EIF4E3: variants seen among roughly 807,000 people sequenced by gnomAD.
The protein encoded by EIF4E3 is eukaryotic translation initiation factor 4E type 3.
Under a neutral mutation model 31.7 loss-of-function variants are expected in EIF4E3, and 26 were observed. The observed-to-expected ratio is 0.82, with a 90% CI of 0.60 to 1.14. The LOEUF is 1.14. EIF4E3 is among the 50% of genes most tolerant of loss of function. The pLI, the probability that EIF4E3 is intolerant of heterozygous loss-of-function variation, is 0.00. For synonymous variants in EIF4E3, 128 were observed against 107.7 expected, an observed-to-expected ratio of 1.19 and a Z score of -1.17; for missense variants, 304 against 270.9, an observed-to-expected ratio of 1.12 and a Z score of -0.86.
upstream of EIF4E3, among the ~76,000 whole-genome samples, chr3:71,728,038 T>G (rs1206292861): frequency 5.3e-5 from 8 of 152,356 alleles, no homozygotes; most frequent in South Asian, 1.7e-3. Flanking sequence ...TGGTGCTCAA[T>G]CACAGCACCA....
At chr3:71,713,144 T>C (rs923253094) in intron 1 of EIF4E3, among the ~76,000 whole-genome samples, 1 of 152,230 alleles carries the variant, frequency 6.6e-6, no homozygotes, top group Non-Finnish European at 1.5e-5. Flanking sequence ...GCTGAGCCTC[T>C]GACCTCCGTT....
rs1166376113 is a variant in EIF4E3, at chr3:71,682,664, C to T, written c.*2018G>A. 1 of 152,406 alleles carries T rather than the reference C, an allele frequency of 6.6e-6. No homozygotes were observed. The highest frequency in any genetic ancestry group is 1.5e-5 in the Non-Finnish European group (1 of 67,994). 9.4% of individuals were successfully genotyped at this position (152,406 alleles called of 1,614,324 possible). On this transcript the variant is annotated 3_prime_UTR_variant, in exon 7 of 7. Transcript: ENST00000425534. The stretch of plus-strand genomic sequence containing the variant: ...AAACAGTTGCAGAAGTTCACTGGGG[C>T]AAAAATCTACTTTGTGTGCTAGTCA...
intron 1 of EIF4E3, among the ~76,000 whole-genome samples, chr3:71,723,945 T>A (rs2049588845): frequency 6.6e-6 from 1 of 151,698 alleles, no homozygotes; most frequent in Non-Finnish European, 1.5e-5. Flanking sequence ...ACGGGTGCTA[T>A]AAGAACCCAA....
At chr3:71,701,996 C>T (rs935607480) in intron 2 of EIF4E3, among the ~76,000 whole-genome samples, 2 of 152,156 alleles carry the variant, frequency 1.3e-5, no homozygotes, top group Non-Finnish European at 2.9e-5. Flanking sequence ...ATTTCAGTTT[C>T]TGTGGTGTGA....
At chr3:71,699,754 T>C (rs760174370) in intron 2 of EIF4E3, 46 bp from the exon 3 acceptor site, 8 of 1,489,204 alleles carry the variant, frequency 5.4e-6, no homozygotes, top group Non-Finnish European at 7.4e-6. Flanking sequence ...CCAGTATTGA[T>C]TTATTATGCT....
chr3:71,672,009 C>T (rs2048849484), downstream of EIF4E3, among the ~76,000 whole-genome samples: 1 of 152,134 alleles, frequency 6.6e-6, no homozygotes, highest in Non-Finnish European at 1.5e-5. Flanking sequence ...TCCTGCGCTC[C>T]CCGATTTAGC....
the EIF4E3 span, among the ~76,000 whole-genome samples, chr3:71,667,618 TAG>T: frequency 6.6e-6 from 1 of 152,024 alleles, no homozygotes; most frequent in South Asian, 2.1e-4. Flanking sequence ...AATAGACAAA[TAG>T]AGAGCCAAAT....
At chr3:71,687,555 T>C (rs2049009516) in intron 6 of EIF4E3, among the ~76,000 whole-genome samples, 1 of 152,242 alleles carries the variant, frequency 6.6e-6, no homozygotes, top group Non-Finnish European at 1.5e-5. Flanking sequence ...AGATTTGGGC[T>C]CCAGCTTCCT....
chr3:71,749,636 T>C (rs1472122981), intron 1 of EIF4E3, among the ~76,000 whole-genome samples: 1 of 152,154 alleles, frequency 6.6e-6, no homozygotes, highest in Non-Finnish European at 1.5e-5. Context: ...ACAGTCAGGA[T>C]TTCTAGTACC....
chr3:71,675,517 G>A lies in EIF4E3; in HGVS notation c.*9165C>T, dbSNP rs2048868527. ...GGTTTTAAGACAAATCTGCTTACAT[G>A]GAGTTGTCGCAAAGAAGCAGGTTAG... is the stretch of plus-strand genomic sequence containing the variant. On this transcript the variant is annotated 3_prime_UTR_variant, in exon 7 of 7. Coordinates refer to ENST00000425534, the MANE Select transcript of EIF4E3 (RefSeq NM_001134651.2). 1 of 152,160 alleles carries A rather than the reference G, an allele frequency of 6.6e-6. No individual in the cohort carries two copies. The highest frequency in any genetic ancestry group is 2.4e-5 in the African/African-American group (1 of 41,424). The allele number at this position is 152,160 out of a possible 1,614,324, so 9.4% of individuals were successfully genotyped here. A position where few individuals can be genotyped will look rare whatever the true frequency, so the allele number is the denominator to read the frequency against.
intron 5 of EIF4E3, among the ~76,000 whole-genome samples, chr3:71,692,329 T>C (rs2049074268): frequency 6.6e-6 from 1 of 152,222 alleles, no homozygotes; most frequent in Non-Finnish European, 1.5e-5. Flanking sequence ...TAATGGTTAA[T>C]AGTTAATGGT....
chr3:71,735,248 G>T (rs535572963), intron 1 of EIF4E3, among the ~76,000 whole-genome samples: 1 of 152,008 alleles, frequency 6.6e-6, no homozygotes. Flanking sequence ...TTTTACATAG[G>T]AGTACACAGG....
In EIF4E3 at chr3:71,677,755, T is replaced by C. The variant is rs1016180809; in HGVS notation, c.*6927A>G. 4 of 152,178 alleles carry C rather than the reference T, an allele frequency of 2.6e-5. No individual in the cohort carries two copies. The highest frequency in any genetic ancestry group is 2.9e-5 in the Non-Finnish European group (2 of 68,030). The allele number at this position is 152,178 out of a possible 1,614,324, so 9.4% of individuals were successfully genotyped here. A position where few individuals can be genotyped will look rare whatever the true frequency, so the allele number is the denominator to read the frequency against. ...GATGAATGGAAGAAGAGTTTGTTGG[T>C]ACGTTTTGTTTGTTTTTAAAGGAAT... On this transcript the variant is annotated 3_prime_UTR_variant, in exon 7 of 7. Coordinates refer to ENST00000425534, the MANE Select transcript of EIF4E3 (RefSeq NM_001134651.2).
chr3:71,681,347 G>C lies in EIF4E3; in HGVS notation c.*3335C>G, dbSNP rs1026903207. ...GCGCCACCATGCGATCGTTCCAAAG[G>C]CTGTCAGTTTTGTCTAAAGACACAA... is the stretch of plus-strand genomic sequence containing the variant. On this transcript the variant is annotated 3_prime_UTR_variant, in exon 7 of 7. Coordinates refer to ENST00000425534, the MANE Select transcript of EIF4E3 (RefSeq NM_001134651.2). The C allele has an allele frequency of 5.3e-5, 8 of 152,314 alleles. No individual in the cohort carries two copies. Among genetic ancestry groups the C allele is most frequent in the African/African-American group, 1.9e-4 (8 of 41,572 alleles). 9.4% of individuals were successfully genotyped at this position (152,314 alleles called of 1,614,324 possible).
intron 4 of EIF4E3, among the ~76,000 whole-genome samples, chr3:71,694,825 T>C (rs2049112540): frequency 6.6e-6 from 1 of 152,132 alleles, no homozygotes; most frequent in Non-Finnish European, 1.5e-5. Flanking sequence ...AGGGCTGTTG[T>C]GGGTATGAAA....
chr3:71,725,445 C>G, upstream of EIF4E3: 1 of 854,960 alleles, frequency 1.2e-6, no homozygotes, highest in Middle Eastern at 5.9e-4. This position sits in a 1 kb window ranked among gnomAD's most constrained non-coding sequence, Gnocchi z 6.1. Flanking sequence ...CGGCCCCCGC[C>G]CCGCCCCGCC....
chr3:71,754,456 G>A (rs1337534625), upstream of EIF4E3: 4 of 1,335,074 alleles, frequency 3.0e-6, no homozygotes, highest in Admixed American at 3.0e-5. The surrounding 1 kb of genome is among the most constrained non-coding windows in gnomAD (Gnocchi z 5.8). Flanking sequence ...CGCCTGGCCG[G>A]CTGGCCGTGC....
chr3:71,673,577 ACATTCAAACATTCCTT>A (rs2048857207), downstream of EIF4E3, among the ~76,000 whole-genome samples: 1 of 151,966 alleles, frequency 6.6e-6, no homozygotes, highest in South Asian at 2.1e-4. Context: ...GCTTATGACA[ACATTCAAACATTCCTT>A]CATTCAAACA....
chr3:71,726,089 T>C (rs77043595), upstream of EIF4E3, among the ~76,000 whole-genome samples: 1,421 of 152,234 alleles, frequency 9.3e-3, 19 homozygotes, highest in African/African-American at 0.033. Flanking sequence ...TTTGCATTCC[T>C]CTTGGTGAGA....
Sources: gnomAD v4.1 joint callset for allele counts (sites outside exome capture counted in the v4.1 genomes callset) on GRCh38, gnomAD v4.1.1 for gene constraint, Gnocchi (gnomAD v3.1) non-coding constraint, MANE v1.5 for transcripts, NCBI Gene and HGNC (gene_info 2026-07-23, HGNC 2026-07-21) for gene names.